The following ZEB1 variants were observed in gnomAD, a reference collection of about 807,000 sequenced individuals.
ZEB1 encodes the protein zinc finger E-box binding homeobox 1, also known as zinc finger E-box-binding homeobox 1.
ZEB1 carries 21 observed loss-of-function variants against 84.9 expected under a neutral mutation model. That is an observed-to-expected ratio of 0.25 (90% CI 0.18 to 0.36). The LOEUF (loss-of-function observed/expected upper bound fraction) is 0.36, where lower values mean the gene tolerates loss of function less well. Among genes scored for constraint, ZEB1 ranks in the 10% least tolerant of loss-of-function variants. The probability of loss-of-function intolerance (pLI) is 1.00; values close to 1 mark genes in which losing one functional copy is unlikely to be tolerated. For synonymous variants in ZEB1, 420 were observed against 471.1 expected (o/e 0.89, Z 1.41); for missense variants, 1,104 against 1,330.2 (o/e 0.83, Z 2.65).
At chr10:31,473,675 CCAATGACTT>C (rs2063618342) in intron 2 of ZEB1, among the ~76,000 whole-genome samples, 1 of 149,236 alleles carries the variant, frequency 6.7e-6, no homozygotes, top group South Asian at 2.2e-4. Flanking sequence ...CATCAAGCTA[CCAATGACTT>C]TCTTCACAGA....
intron 1 of ZEB1, among the ~76,000 whole-genome samples, chr10:31,451,674 AGGACTT>A (rs1165666576): frequency 6.6e-6 from 1 of 152,208 alleles, no homozygotes; most frequent in Non-Finnish European, 1.5e-5. Context: ...TAATCTCTTG[AGGACTT>A]TGCTTTTTCA....
chr10:31,319,363 G>A (rs2033040091), intron 1 of ZEB1, 71 bp downstream of exon 1: 1 of 1,501,660 alleles, frequency 6.7e-7, no homozygotes, highest in Non-Finnish European at 9.1e-7. Context: ...CCCCGGGGGT[G>A]AGGGGGGCGA....
chr10:31,443,124 C>T (rs1027695639), intron 1 of ZEB1, among the ~76,000 whole-genome samples: 2 of 152,130 alleles, frequency 1.3e-5, no homozygotes, highest in African/African-American at 4.8e-5. Context: ...ATGGATATTT[C>T]TTCTGTTACT....
At chr10:31,368,914 A>C (rs2045132623) in intron 1 of ZEB1, among the ~76,000 whole-genome samples, 1 of 152,236 alleles carries the variant, frequency 6.6e-6, no homozygotes, top group Non-Finnish European at 1.5e-5. Flanking sequence ...TGACTTTTGA[A>C]ACCAGTTGAA....
chr10:31,478,481 A>G (rs895351076), intron 2 of ZEB1, among the ~76,000 whole-genome samples: 2 of 152,044 alleles, frequency 1.3e-5, no homozygotes, highest in Non-Finnish European at 2.9e-5. Flanking sequence ...TTACCATTCA[A>G]TTCAGCAATG....
At chr10:31,505,893 C>G (rs2139358693) in intron 4 of ZEB1, among the ~76,000 whole-genome samples, 1 of 151,810 alleles carries the variant, frequency 6.6e-6, no homozygotes, top group Non-Finnish European at 1.5e-5. Context: ...TTGCTATATA[C>G]TTCCTCTTAG....
chr10:31,405,493 A>T (rs2052803634), intron 1 of ZEB1, among the ~76,000 whole-genome samples: 1 of 152,120 alleles, frequency 6.6e-6, no homozygotes, highest in Non-Finnish European at 1.5e-5. Flanking sequence ...ATTATTTAGT[A>T]ATTATTCTTT....
intron 1 of ZEB1, among the ~76,000 whole-genome samples, chr10:31,344,257 TA>T (rs1260030836): frequency 6.6e-6 from 1 of 152,108 alleles, no homozygotes; most frequent in Admixed American, 6.6e-5. Context: ...ATAATTAGAT[TA>T]GATTGTCTCC....
intron 1 of ZEB1, among the ~76,000 whole-genome samples, chr10:31,424,197 T>C (rs895894515): frequency 1.3e-5 from 2 of 152,034 alleles, no homozygotes; most frequent in Non-Finnish European, 2.9e-5. Flanking sequence ...ATCAGCTTTA[T>C]GGAGTTATTG....
intron 1 of ZEB1, among the ~76,000 whole-genome samples, chr10:31,447,812 G>A (rs1237161290): frequency 6.6e-6 from 1 of 152,174 alleles, no homozygotes; most frequent in Non-Finnish European, 1.5e-5. Flanking sequence ...CCCTTTGAGG[G>A]TAACCCGACC....
At chr10:31,457,195 C>T (rs972206294) in intron 1 of ZEB1, among the ~76,000 whole-genome samples, 2 of 152,070 alleles carry the variant, frequency 1.3e-5, no homozygotes, top group East Asian at 3.9e-4. Flanking sequence ...TTAAACAGTT[C>T]AGGGGTATAG....
intron 2 of ZEB1, among the ~76,000 whole-genome samples, chr10:31,489,599 T>G (rs1259488422): frequency 2.0e-5 from 3 of 151,366 alleles, no homozygotes; most frequent in Admixed American, 6.6e-5. Flanking sequence ...TTTTTTAGTA[T>G]TCCATTTTAA....
At chr10:31,440,353 A>G (rs1236735434) in intron 1 of ZEB1, among the ~76,000 whole-genome samples, 2 of 152,136 alleles carry the variant, frequency 1.3e-5, no homozygotes, top group African/African-American at 2.4e-5. Flanking sequence ...ACAAAATTCA[A>G]CAGCCCTTCA....
At position 31,526,741 on chromosome 10, in the gene ZEB1, T is replaced by C. The variant is rs374536300; in HGVS notation, c.2855T>C (p.Met952Thr). The C allele has an allele frequency of 2.5e-6, 4 of 1,613,998 alleles. No individual in the cohort carries two copies. In the African/African-American group the frequency reaches 4.0e-5, roughly 16 times the overall value. Reference protein sequence around the residue: ...FKHKHHLIEHMRLHSGEKPYQ... With the variant: ...FKHKHHLIEHTRLHSGEKPYQ... Reference sequence around the variant, plus strand: ...CACAAACATCATTTGATTGAACACATGCGATTACATTCTGGAGAAAAGCCC... The same window carrying C: ...CACAAACATCATTTGATTGAACACACGCGATTACATTCTGGAGAAAAGCCC... The change falls in exon 9 of 9, where the codon ATG becomes ACG. Residue 952 changes from methionine to threonine, a missense_variant. Met to Thr is a moderately conservative substitution (Grantham distance 81). Around this residue, in one of 7 missense-constraint regions of ZEB1, gnomAD observed 53 missense variants for 92.5 expected, o/e 0.57. Coordinates refer to ENST00000424869, the MANE Select transcript of ZEB1 (RefSeq NM_001174096.2).
intron 3 of ZEB1, among the ~76,000 whole-genome samples, chr10:31,497,679 A>C (rs372121092): frequency 6.6e-6 from 1 of 152,284 alleles, no homozygotes; most frequent in East Asian, 1.9e-4. Context: ...AGCATTGTAC[A>C]GCAGTCGCCA....
chr10:31,422,616 C>T (rs2056353618), intron 1 of ZEB1, among the ~76,000 whole-genome samples: 1 of 152,064 alleles, frequency 6.6e-6, no homozygotes, highest in South Asian at 2.1e-4. Context: ...ACATAGCTTT[C>T]ATATCAGAAA....
intron 1 of ZEB1, among the ~76,000 whole-genome samples, chr10:31,455,637 G>GC (rs1268744921): frequency 6.6e-6 from 1 of 152,174 alleles, no homozygotes; most frequent in African/African-American, 2.4e-5. Context: ...CATTTATGCA[G>GC]CCAGCAGACA....
chr10:31,513,964 A>T (rs1011271635), intron 5 of ZEB1, among the ~76,000 whole-genome samples: 24 of 152,186 alleles, frequency 1.6e-4, no homozygotes, highest in African/African-American at 5.5e-4. Context: ...CTTTTGTAAG[A>T]TTAATCTAAG....
intron 2 of ZEB1, among the ~76,000 whole-genome samples, chr10:31,485,553 AT>A (rs1266182686): frequency 1.3e-5 from 2 of 151,894 alleles, no homozygotes; most frequent in African/African-American, 4.8e-5. Flanking sequence ...ATTATTGTGT[AT>A]TATTATCAGT....
Sources: allele counts gnomAD v4.1 joint callset (sites outside exome capture counted in the v4.1 genomes callset), GRCh38; gene constraint gnomAD v4.1.1; regional missense constraint gnomAD v4.1.1; transcripts MANE v1.5; gene names NCBI Gene and HGNC (gene_info 2026-07-23, HGNC 2026-07-21).